Variants in BNC2 observed in about 807,000 individuals in gnomAD.
The protein encoded by BNC2 is basonuclin zinc finger protein 2.
A neutral mutation model predicts 76.3 loss-of-function variants in BNC2; 20 were observed. The ratio of observed to expected loss-of-function variants is 0.26; its 90% CI spans 0.18 to 0.38. The LOEUF is 0.38. Ranked by LOEUF, BNC2 falls within the 10% of genes least tolerant of loss-of-function variation. The pLI is 1.00. For synonymous variants in BNC2, 582 were observed against 514.8 expected (o/e 1.13, Z -1.77); for missense variants, 1,382 against 1,399.8 (o/e 0.99, Z 0.20).
At chr9:16,475,408 C>G (rs1045323575) in intron 5 of BNC2, among the ~76,000 whole-genome samples, 1 of 152,198 alleles carries the variant, frequency 6.6e-6, no homozygotes, top group Admixed American at 6.5e-5. Context: ...CTAATGGGCT[C>G]TCTACTTAAT....
intron 3 of BNC2, among the ~76,000 whole-genome samples, chr9:16,635,077 T>G (rs923819337): frequency 1.6e-4 from 24 of 152,194 alleles, no homozygotes; most frequent in African/African-American, 5.1e-4. Flanking sequence ...CAAACATAAC[T>G]TGGGGTATCT....
At chr9:16,670,731 G>C (rs957363542) in intron 3 of BNC2, among the ~76,000 whole-genome samples, 4 of 152,160 alleles carry the variant, frequency 2.6e-5, no homozygotes, top group African/African-American at 9.7e-5. Context: ...TGATGGTAAA[G>C]GTATACGTGA....
At chr9:16,837,482 C>T (rs1818733979) in intron 1 of BNC2, among the ~76,000 whole-genome samples, 1 of 152,168 alleles carries the variant, frequency 6.6e-6, no homozygotes, top group South Asian at 2.1e-4. Context: ...CCAGCCTGGG[C>T]GACAGTGCGA....
intron 5 of BNC2, among the ~76,000 whole-genome samples, chr9:16,484,062 A>C (rs978114662): frequency 1.3e-5 from 2 of 152,192 alleles, no homozygotes; most frequent in African/African-American, 4.8e-5. Flanking sequence ...GGTTGTGATT[A>C]ACTTCTTAAA....
chr9:16,542,708 C>T (rs1285840209), intron 5 of BNC2, among the ~76,000 whole-genome samples: 3 of 152,186 alleles, frequency 2.0e-5, no homozygotes, highest in Admixed American at 1.3e-4. Context: ...ACTCATTCTC[C>T]TAGCAAAGTA....
chr9:16,565,798 C>A, intron 4 of BNC2, among the ~76,000 whole-genome samples: 1 of 150,552 alleles, frequency 6.6e-6, no homozygotes. Flanking sequence ...AAAGAATGAG[C>A]CCCATCTCAA....
intron 3 of BNC2, among the ~76,000 whole-genome samples, chr9:16,630,676 G>C (rs1821133935): frequency 6.6e-6 from 1 of 150,870 alleles, no homozygotes; most frequent in Non-Finnish European, 1.5e-5. Flanking sequence ...AAGAAATCTA[G>C]TAACTAGATT....
chr9:16,659,747 TCTC>T (rs1480473017), intron 3 of BNC2, among the ~76,000 whole-genome samples: 1 of 152,140 alleles, frequency 6.6e-6, no homozygotes, highest in African/African-American at 2.4e-5. Flanking sequence ...TCAACTGTCA[TCTC>T]CTCAGCGTTG....
At chr9:16,429,448 A>G (rs1162843665) in intron 6 of BNC2, 1 of 153,616 alleles carries the variant, frequency 6.5e-6, no homozygotes, top group Non-Finnish European at 1.4e-5. Flanking sequence ...GATTCACACC[A>G]ATAAAGTCTG....
At chr9:16,845,492 C>A (rs539775780) in intron 1 of BNC2, among the ~76,000 whole-genome samples, 6 of 151,962 alleles carry the variant, frequency 3.9e-5, no homozygotes, top group African/African-American at 1.5e-4. Context: ...GAGGCCAAGG[C>A]GGGCGGATCA....
chr9:16,707,206 C>T (rs1289749423), intron 3 of BNC2, among the ~76,000 whole-genome samples: 1 of 145,226 alleles, frequency 6.9e-6, no homozygotes, highest in African/African-American at 2.5e-5. Flanking sequence ...CGCCCCCCCG[C>T]CAAAAAAAAA....
intron 5 of BNC2, among the ~76,000 whole-genome samples, chr9:16,504,878 C>A (rs974505117): frequency 6.6e-6 from 1 of 152,178 alleles, no homozygotes; most frequent in Non-Finnish European, 1.5e-5. Context: ...AAAAACCCCA[C>A]AAAACTGTGG....
chr9:16,713,840 TGAGGTGGGC>T, intron 3 of BNC2, among the ~76,000 whole-genome samples: 1 of 152,284 alleles, frequency 6.6e-6, no homozygotes, highest in South Asian at 2.1e-4. Context: ...TTTGGGAGGC[TGAGGTGGGC>T]AGATCGCTTG....
At chr9:16,684,755 T>G (rs934632157) in intron 3 of BNC2, among the ~76,000 whole-genome samples, 2 of 152,084 alleles carry the variant, frequency 1.3e-5, no homozygotes, top group Non-Finnish European at 2.9e-5. Flanking sequence ...GCACACACAT[T>G]CCTTAAATAT....
chr9:16,798,084 T>A (rs1224387691), intron 1 of BNC2, among the ~76,000 whole-genome samples: 3 of 152,194 alleles, frequency 2.0e-5, no homozygotes, highest in Admixed American at 2.0e-4. Context: ...CTTTTGTTGA[T>A]CTGGAAGTGT....
chr9:16,617,456 C>T (rs1270710815), intron 3 of BNC2, among the ~76,000 whole-genome samples: 1 of 151,170 alleles, frequency 6.6e-6, no homozygotes, highest in Non-Finnish European at 1.5e-5. Context: ...TCCTCAGCTA[C>T]ACTGTCACCC....
In BNC2 at chr9:16,419,282, C is replaced by T. The variant is rs1401377861; in HGVS notation, c.3007G>A (p.Ala1003Thr). 6.2e-7 allele frequency: 1 copy of T among 1,614,112 alleles called. No individual in the cohort carries two copies. The highest frequency in any genetic ancestry group is 1.1e-5 in the South Asian group (1 of 91,080). The change falls in exon 7 of 7, where the codon GCA becomes ACA. Residue 1003 changes from alanine to threonine, a missense_variant. By Grantham distance (58) the Ala-to-Thr change is moderately conservative. Around this residue, in one of 3 missense-constraint regions of BNC2, gnomAD observed 798 missense variants for 775.5 expected, o/e 1.03. Transcript: ENST00000380672. ...AGGGCAGGGGCCTCGGCCTTGTGTG[C>T]CGACTCCCCACTGTCACTCGCCCCG... ...IDGASDSGESAHKAEAPALPG... is the reference protein window; with the variant it reads ...IDGASDSGESTHKAEAPALPG...
chr9:16,430,393 T>A (rs1173103322), intron 6 of BNC2, among the ~76,000 whole-genome samples: 1 of 152,200 alleles, frequency 6.6e-6, no homozygotes, highest in Non-Finnish European at 1.5e-5. Context: ...AGGGCAAATA[T>A]ACTAATAGTT....
At chr9:16,776,090 C>A (rs986916544) in intron 1 of BNC2, among the ~76,000 whole-genome samples, 2 of 152,132 alleles carry the variant, frequency 1.3e-5, no homozygotes, top group Non-Finnish European at 2.9e-5. Context: ...CTCCGTATTA[C>A]CTACCCCTCA....
Sources: gnomAD v4.1 joint callset for allele counts (sites outside exome capture counted in the v4.1 genomes callset) on GRCh38, gnomAD v4.1.1 for gene constraint, gnomAD v4.1.1 regional missense constraint, MANE v1.5 for transcripts, NCBI Gene and HGNC (gene_info 2026-07-23, HGNC 2026-07-21) for gene names.